Variants in ROBO1 observed in about 807,000 individuals in gnomAD.
The protein encoded by ROBO1 is roundabout homolog 1.
In ROBO1, 149 loss-of-function variants were observed where a neutral mutation model predicts 195.9. The ratio of observed to expected loss-of-function variants is 0.76; its 90% confidence interval spans 0.67 to 0.87. The LOEUF is 0.87. ROBO1 is among the 40% of genes least tolerant of loss of function. The probability of loss-of-function intolerance (pLI) is 0.00; values close to 1 mark genes in which losing one functional copy is unlikely to be tolerated. For missense variants in ROBO1, 1,933 were observed against 2,068.3 expected, an observed-to-expected ratio of 0.93 and a Z score of 1.27; for synonymous variants, 816 against 733.2, an observed-to-expected ratio of 1.11 and a Z score of -1.82.
chr3:79,224,777 T>C (rs1182340744), intron 2 of ROBO1, among the ~76,000 whole-genome samples: 2 of 152,208 alleles, frequency 1.3e-5, no homozygotes, highest in African/African-American at 4.8e-5. Flanking sequence ...CCCTAAGGTG[T>C]TTCATGTGCT....
At chr3:79,677,932 A>G (rs1211506068) in intron 1 of ROBO1, among the ~76,000 whole-genome samples, 1 of 152,148 alleles carries the variant, frequency 6.6e-6, no homozygotes, top group Non-Finnish European at 1.5e-5. Context: ...TCACATAATA[A>G]ATACATGCTA....
rs11370962 is a variant in ROBO1, at chr3:79,454,131, C to CTT, written c.88+135691_88+135692dup. 6.3e-3 allele frequency among the ~76,000 whole-genome samples: 888 copies of CTT among 141,878 alleles called. 13 individuals are homozygous for CTT. Among genetic ancestry groups the CTT allele is most frequent in the Admixed American group, 0.023 (329 of 14,130 alleles). 93.1% of individuals were successfully genotyped at this position (141,878 alleles called of 152,430 possible). A position where few individuals can be genotyped will look rare whatever the true frequency, so the allele number is the denominator to read the frequency against. On this transcript the variant is annotated intron_variant, in intron 2 of 30. Coordinates refer to ENST00000464233, the MANE Select transcript of ROBO1 (RefSeq NM_002941.4). ...AGTTCTAGATTAATTAATTTCATTCCTTTTTTTTTTTTTTCTCCAAAACAT... is the reference window on the plus strand; with the variant it reads ...AGTTCTAGATTAATTAATTTCATTCCTTTTTTTTTTTTTTTTCTCCAAAACAT...
intron 3 of ROBO1, chr3:79,018,964 A>T (rs942673183): frequency 1.0e-6 from 1 of 989,366 alleles, no homozygotes; most frequent in Admixed American, 5.8e-5. Flanking sequence ...CGGCGGCGAT[A>T]GCAGCCAAAG....
intron 2 of ROBO1, among the ~76,000 whole-genome samples, chr3:79,178,261 C>A (rs1303495058): frequency 1.1e-4 from 16 of 152,020 alleles, no homozygotes; most frequent in Admixed American, 9.8e-4. Flanking sequence ...TGAGAGTAAT[C>A]CATTTTAGAG....
At chr3:79,066,574 T>A (rs2079006006) in intron 3 of ROBO1, among the ~76,000 whole-genome samples, 1 of 151,892 alleles carries the variant, frequency 6.6e-6, no homozygotes, top group African/African-American at 2.4e-5. Flanking sequence ...GCCAGAGTAA[T>A]TTTTTTAGAT....
intron 5 of ROBO1, among the ~76,000 whole-genome samples, chr3:78,730,165 T>C (rs1401336021): frequency 6.6e-6 from 1 of 152,226 alleles, no homozygotes; most frequent in Non-Finnish European, 1.5e-5. Context: ...GAATTACAAG[T>C]ACACCAGCTG....
chr3:79,457,237 C>A (rs1394190254), intron 2 of ROBO1, among the ~76,000 whole-genome samples: 2 of 152,128 alleles, frequency 1.3e-5, no homozygotes, highest in Non-Finnish European at 2.9e-5. Flanking sequence ...ATCAACTGAA[C>A]TTTTGCAAAA....
intron 8 of ROBO1, chr3:78,693,319 A>C (rs1233304641): frequency 6.4e-7 from 1 of 1,550,580 alleles, no homozygotes; most frequent in Non-Finnish European, 8.7e-7. Context: ...CACGGTGATG[A>C]GAAGATGGCC....
intron 17 of ROBO1, among the ~76,000 whole-genome samples, chr3:78,657,547 A>G (rs964021060): frequency 6.6e-6 from 1 of 152,230 alleles, no homozygotes; most frequent in African/African-American, 2.4e-5. Context: ...TGAAGGTAGT[A>G]GTTTCTATCA....
chr3:79,580,867 T>G (rs971682840), intron 2 of ROBO1, among the ~76,000 whole-genome samples: 1 of 152,212 alleles, frequency 6.6e-6, no homozygotes, highest in African/African-American at 2.4e-5. Flanking sequence ...AGTTTTTATA[T>G]ACATTTCTCA....
rs767459876 is a variant in ROBO1, at chr3:79,067,007, G to C, written c.172+58449C>G. On this transcript the variant is annotated intron_variant, in intron 3 of 30. Coordinates refer to ENST00000464233, the MANE Select transcript of ROBO1 (RefSeq NM_002941.4). ...AATATTGCCAGGAAATGCATAAAAG[G>C]CTTCTAGAGCTGACTAGATACCATT... Among the ~76,000 whole-genome samples the C allele has an allele frequency of 7.9e-5, 12 of 151,926 alleles. No homozygotes were observed. In the East Asian group the frequency reaches 1.8e-3, roughly 22 times the overall value.
intron 5 of ROBO1, among the ~76,000 whole-genome samples, chr3:78,738,273 A>C (rs555582486): frequency 4.6e-5 from 7 of 152,140 alleles, no homozygotes; most frequent in Non-Finnish European, 5.9e-5. Flanking sequence ...AATGGAAATC[A>C]AAGAAACCTA....
rs1276892568 is a variant in ROBO1, at chr3:78,833,703, A to C, written c.500-86803T>G. Among the ~76,000 whole-genome samples the C allele has an allele frequency of 2.0e-5, 3 of 152,126 alleles. No homozygotes were observed. The East Asian group carries it at 5.8e-4, about 29-fold the overall frequency. ...GCCTGGCCTTCAATTAATGTTCCAT[A>C]CATTTACCTATGATTTAGGTGCTTA... is the stretch of plus-strand genomic sequence containing the variant. On this transcript the variant is annotated intron_variant, in intron 4 of 30. Transcript: ENST00000464233.
At chr3:79,192,092 T>G (rs761946107) in intron 2 of ROBO1, among the ~76,000 whole-genome samples, 7 of 151,632 alleles carry the variant, frequency 4.6e-5, no homozygotes, top group Non-Finnish European at 8.9e-5. Context: ...TAGTACATTA[T>G]TTTTAGAGTT....
At chr3:79,448,651 A>G (rs536720550) in intron 2 of ROBO1, among the ~76,000 whole-genome samples, 25 of 152,214 alleles carry the variant, frequency 1.6e-4, no homozygotes, top group Non-Finnish European at 3.1e-4. Flanking sequence ...GATGTCATCT[A>G]AATACCAAAG....
intron 10 of ROBO1, among the ~76,000 whole-genome samples, chr3:78,676,500 GC>G (rs1708438803): frequency 6.6e-6 from 1 of 152,162 alleles, no homozygotes; most frequent in South Asian, 2.1e-4. Flanking sequence ...GGAGCTGAAA[GC>G]CAAAGCTCGA....
At chr3:79,065,425 T>C (rs2078988197) in intron 3 of ROBO1, among the ~76,000 whole-genome samples, 1 of 151,882 alleles carries the variant, frequency 6.6e-6, no homozygotes, top group Non-Finnish European at 1.5e-5. Context: ...GCATCCTTAG[T>C]GTCAGGCTTT....
chr3:78,920,243 G>C (rs1335645223), intron 4 of ROBO1, among the ~76,000 whole-genome samples: 3 of 152,102 alleles, frequency 2.0e-5, no homozygotes, highest in African/African-American at 7.2e-5. Flanking sequence ...AATCCTTCAT[G>C]ATTAATGAAA....
intron 3 of ROBO1, among the ~76,000 whole-genome samples, chr3:79,046,081 ATAGAG>A (rs1222700155): frequency 1.3e-5 from 2 of 152,126 alleles, no homozygotes; most frequent in African/African-American, 4.8e-5. Context: ...GTATAACAGA[ATAGAG>A]TAAAAGGAAT....
Sources: gnomAD v4.1 joint callset for allele counts (sites outside exome capture counted in the v4.1 genomes callset) on GRCh38, gnomAD v4.1.1 for gene constraint, MANE v1.5 for transcripts, NCBI Gene and HGNC (gene_info 2026-07-23, HGNC 2026-07-21) for gene names.